DSCAML1: variants seen among roughly 807,000 people sequenced by gnomAD.
DSCAML1 encodes DS cell adhesion molecule like 1, also known as cell adhesion molecule DSCAML1.
In DSCAML1, 38 loss-of-function variants were observed where a neutral mutation model predicts 200.5. That is an observed-to-expected ratio of 0.19 (90% CI 0.15 to 0.25). DSCAML1 has a LOEUF of 0.25. Ranked by LOEUF, DSCAML1 falls within the 10% of genes least tolerant of loss-of-function variation. DSCAML1 has a pLI of 1.00. For missense variants in DSCAML1, 2,223 were observed against 2,858.8 expected (o/e 0.78, Z 5.07); for synonymous variants, 1,215 against 1,165.0 (o/e 1.04, Z -0.87).
rs578207927 is a variant in DSCAML1, at chr11:117,631,820, G to A, written c.512-99298C>T. ...CAGGCCCTGAGCTATGCTCTGGAGC[G>A]ACAGAGGCTGGTGACCTGGTGCCTG... On this transcript the variant is annotated intron_variant, in intron 3 of 32. Coordinates refer to ENST00000651296, the MANE Select transcript of DSCAML1 (RefSeq NM_020693.4). Among the ~76,000 whole-genome samples, 3 of 152,356 alleles carry A rather than the reference G, an allele frequency of 2.0e-5. No individual in the cohort carries two copies. In the East Asian group the frequency reaches 5.8e-4, roughly 29 times the overall value.
At chr11:117,783,894 T>C (rs933735378) in intron 1 of DSCAML1, among the ~76,000 whole-genome samples, 6 of 152,104 alleles carry the variant, frequency 3.9e-5, no homozygotes, top group African/African-American at 9.7e-5. Flanking sequence ...CATTCCACTC[T>C]CCCTGCCTCC....
At chr11:117,506,547 CTT>C (rs5795089) in intron 8 of DSCAML1, among the ~76,000 whole-genome samples, 1,747 of 96,748 alleles carry the variant, frequency 0.018, 7 homozygotes, top group African/African-American at 0.031. Flanking sequence ...CAAGAGATAA[CTT>C]TTTTTTTTTT....
At chr11:117,513,237 G>T (rs114750590) in intron 8 of DSCAML1, among the ~76,000 whole-genome samples, 1 of 152,190 alleles carries the variant, frequency 6.6e-6, no homozygotes, top group Non-Finnish European at 1.5e-5. Flanking sequence ...CCAGATGACA[G>T]GGGCGGGGAT....
intron 1 of DSCAML1, among the ~76,000 whole-genome samples, chr11:117,783,289 T>C (rs2055294904): frequency 1.3e-5 from 2 of 152,110 alleles, no homozygotes; most frequent in South Asian, 4.1e-4. Flanking sequence ...GGAGCCAAAA[T>C]CCATCACAGT....
At chr11:117,711,986 G>C (rs144490475) in intron 3 of DSCAML1, among the ~76,000 whole-genome samples, 1 of 152,156 alleles carries the variant, frequency 6.6e-6, no homozygotes, top group African/African-American at 2.4e-5. Flanking sequence ...GTTGCAGTGC[G>C]TTTGTGGACC....
Position 117,573,722 on chromosome 11 carries a change from A to G in DSCAML1, c.512-41200T>C, listed in dbSNP as rs183283831. 3.3e-4 allele frequency among the ~76,000 whole-genome samples: 50 copies of G among 152,328 alleles called. No individual in the cohort carries two copies. In the East Asian group the frequency reaches 9.5e-3, roughly 29 times the overall value. ...CGTGGAACAGTAAGCCCCAAATGCT[A>G]AGTTCTCCCTTACGCTTCCAGAAGA... is the stretch of plus-strand genomic sequence containing the variant. On this transcript the variant is annotated intron_variant, in intron 3 of 32. Transcript: ENST00000651296.
chr11:117,550,457 A>T (rs185849277), intron 3 of DSCAML1, among the ~76,000 whole-genome samples: 39 of 143,558 alleles, frequency 2.7e-4, no homozygotes, highest in Non-Finnish European at 5.2e-4. Context: ...GTCTGGCCTG[A>T]AAGCCCAGTG....
intron 3 of DSCAML1, among the ~76,000 whole-genome samples, chr11:117,650,423 T>G (rs1328793966): frequency 6.6e-6 from 1 of 152,116 alleles, no homozygotes; most frequent in African/African-American, 2.4e-5. Context: ...AATGAATGAA[T>G]GAATGAATGA....
At chr11:117,603,931 A>G (rs912045635) in intron 3 of DSCAML1, among the ~76,000 whole-genome samples, 3 of 152,256 alleles carry the variant, frequency 2.0e-5, no homozygotes, top group African/African-American at 7.2e-5. Flanking sequence ...TGTAATCGCT[A>G]AAATGACACC....
At chr11:117,599,895 G>A (rs956428596) in intron 3 of DSCAML1, among the ~76,000 whole-genome samples, 1 of 152,204 alleles carries the variant, frequency 6.6e-6, no homozygotes, top group Non-Finnish European at 1.5e-5. Context: ...AGTGCACTGG[G>A]TAAACGGTGC....
At chr11:117,543,369 A>G (rs567217966) in intron 3 of DSCAML1, among the ~76,000 whole-genome samples, 2 of 151,720 alleles carry the variant, frequency 1.3e-5, no homozygotes, top group African/African-American at 4.8e-5. Context: ...GTGTACCTGC[A>G]CTGGCATGTT....
At chr11:117,664,305 C>T (rs774769858) in intron 3 of DSCAML1, among the ~76,000 whole-genome samples, 2 of 152,228 alleles carry the variant, frequency 1.3e-5, no homozygotes, top group Non-Finnish European at 2.9e-5. Context: ...TGCTGACAGG[C>T]TTTCTGAGCA....
At chr11:117,700,262 G>A (rs2053644745) in intron 3 of DSCAML1, among the ~76,000 whole-genome samples, 1 of 152,218 alleles carries the variant, frequency 6.6e-6, no homozygotes, top group Non-Finnish European at 1.5e-5. Context: ...CCATGAAGTA[G>A]GATGGGCAGA....
intron 3 of DSCAML1, among the ~76,000 whole-genome samples, chr11:117,552,117 CG>C (rs2050478595): frequency 6.6e-6 from 1 of 151,756 alleles, no homozygotes; most frequent in African/African-American, 2.4e-5. Context: ...GCAGGTCCAT[CG>C]GGGTGGGCAT....
chr11:117,529,126 A>C (rs1252522005), intron 4 of DSCAML1, among the ~76,000 whole-genome samples: 1 of 152,060 alleles, frequency 6.6e-6, no homozygotes, highest in Non-Finnish European at 1.5e-5. Flanking sequence ...GCTGGAGTGC[A>C]GTGGCATGAT....
chr11:117,777,797 T>C (rs1254121363), intron 2 of DSCAML1, among the ~76,000 whole-genome samples: 3 of 152,116 alleles, frequency 2.0e-5, no homozygotes, highest in Non-Finnish European at 4.4e-5. Flanking sequence ...TGTCTGGCCC[T>C]ACAGGCAGGC....
intron 19 of DSCAML1, among the ~76,000 whole-genome samples, chr11:117,455,561 C>A (rs771678391): frequency 6.6e-6 from 1 of 152,238 alleles, no homozygotes; most frequent in African/African-American, 2.4e-5. Context: ...CCTGAAACCA[C>A]GCTCAGACTG....
In DSCAML1 at chr11:117,430,767, G is replaced by A. The variant is rs138436571; in HGVS notation, c.5641C>T (p.Arg1881Trp). 46 of 1,613,932 alleles carry A rather than the reference G, an allele frequency of 2.9e-5. No individual in the cohort carries two copies. Among genetic ancestry groups the A allele is most frequent in the African/African-American group, 6.7e-5 (5 of 74,924 alleles). ...ATGGGCACAGCCACGTTTTTGCCCC[G>A]GTCCGCATCCTGGGGCTTGGGTGGT... ...ASPPKPQDADRGKNVAVPIPH... is the reference protein window; with the variant it reads ...ASPPKPQDADWGKNVAVPIPH... The change falls in exon 32 of 33, where the codon CGG (arginine) becomes TGG (tryptophan). Residue 1881 changes from arginine to tryptophan, a missense_variant. By Grantham distance (101) the Arg-to-Trp change is moderately radical. Around this residue, in one of 7 missense-constraint regions of DSCAML1, gnomAD observed 96 missense variants for 160.7 expected, o/e 0.60. Transcript: ENST00000651296.
At chr11:117,671,098 C>G (rs1183929560) in intron 3 of DSCAML1, among the ~76,000 whole-genome samples, 1 of 152,190 alleles carries the variant, frequency 6.6e-6, no homozygotes, top group Non-Finnish European at 1.5e-5. Context: ...TTTCAAAGCA[C>G]CAGCCCAGTC....
Sources: allele counts gnomAD v4.1 joint callset (sites outside exome capture counted in the v4.1 genomes callset), GRCh38; gene constraint gnomAD v4.1.1; regional missense constraint gnomAD v4.1.1; transcripts MANE v1.5; gene names NCBI Gene and HGNC (gene_info 2026-07-23, HGNC 2026-07-21).